Variants in HCN4 observed in about 807,000 individuals in gnomAD.
HCN4 encodes the protein potassium/sodium hyperpolarization-activated cyclic nucleotide-gated channel 4.
HCN4 carries 29 observed loss-of-function variants against 76.9 expected under a neutral mutation model. The observed-to-expected ratio is 0.38, with a 90% CI of 0.28 to 0.51. HCN4 has a LOEUF of 0.51. Ranked by LOEUF, HCN4 falls within the 20% of genes least tolerant of loss-of-function variation. HCN4 has a pLI of 0.90. For synonymous variants in HCN4, 772 were observed against 762.5 expected, an observed-to-expected ratio of 1.01 and a Z score of -0.21; for missense variants, 1,416 against 1,715.2, an observed-to-expected ratio of 0.83 and a Z score of 3.08.
chr15:73,347,512 C>CT (rs1286951095), intron 1 of HCN4, among the ~76,000 whole-genome samples: 1 of 152,168 alleles, frequency 6.6e-6, no homozygotes, highest in Non-Finnish European at 1.5e-5. Context: ...GAGGAAGTAG[C>CT]ACACCTCTCA....
chr15:73,338,581 C>T (rs1377512113), intron 2 of HCN4, among the ~76,000 whole-genome samples: 1 of 152,194 alleles, frequency 6.6e-6, no homozygotes, highest in East Asian at 1.9e-4. Flanking sequence ...ATGTTGGTTC[C>T]TTTCCTTCCC....
At position 73,367,973 on chromosome 15, in the gene HCN4, G is replaced by A; in HGVS notation, c.298C>T (p.Leu100=). ...CCGCCCCGGCTGCCCAGCGAGGCCA[G>A]GCTCCCGCGGAAGCGCCTGCAGTCG... The part of the protein sequence containing the change: ...NGDCRRFRGS[L]ASLGSRGGGS... The change falls in exon 1 of 8, where the codon CTG becomes TTG. Residue 100 remains leucine, a synonymous_variant. Coordinates refer to ENST00000261917, the MANE Select transcript of HCN4 (RefSeq NM_005477.3). The surrounding 1 kb of genome is among the most constrained non-coding windows in gnomAD (Gnocchi z 7.5). The A allele has an allele frequency of 7.4e-7, 1 of 1,349,332 alleles. No individual in the cohort carries two copies. Among genetic ancestry groups the A allele is most frequent in the Non-Finnish European group, 9.5e-7 (1 of 1,057,104 alleles). 83.6% of individuals were successfully genotyped at this position (1,349,332 alleles called of 1,614,324 possible).
chr15:73,368,625 T>G lies in HCN4; in HGVS notation c.-355A>C. ...CAATGGGCGCCGGCCGGAGAGGCTC[T>G]GCGGCCGCGGCGCTCAGGGAACCGC... is the stretch of plus-strand genomic sequence containing the variant. On this transcript the variant is annotated 5_prime_UTR_variant, in exon 1 of 8. Transcript: ENST00000261917. This position sits in a 1 kb window ranked among gnomAD's most constrained non-coding sequence, Gnocchi z 6.9. The G allele has an allele frequency of 6.2e-6, 1 of 162,520 alleles. No homozygotes were observed. Among genetic ancestry groups the G allele is most frequent in the Admixed American group, 6.4e-5 (1 of 15,522 alleles). 10.1% of individuals were successfully genotyped at this position (162,520 alleles called of 1,614,324 possible). A position where few individuals can be genotyped will look rare whatever the true frequency, so the allele number is the denominator to read the frequency against.
chr15:73,322,274 A>T lies in HCN4; in HGVS notation c.*207T>A. 1 of 359,128 alleles carries T rather than the reference A, an allele frequency of 2.8e-6. No individual in the cohort carries two copies. The highest frequency in any genetic ancestry group is 5.4e-6 in the Non-Finnish European group (1 of 185,392). The allele number at this position is 359,128 out of a possible 1,614,324, so 22.2% of individuals were successfully genotyped here. On this transcript the variant is annotated 3_prime_UTR_variant, in exon 8 of 8. Coordinates refer to ENST00000261917, the MANE Select transcript of HCN4 (RefSeq NM_005477.3). Reference sequence around the variant, plus strand: ...CTCCCCCTCCCTCCCTCTAGTGCTGAGTATTAAAATAGTCTATAAAAGCAA... The same window carrying T: ...CTCCCCCTCCCTCCCTCTAGTGCTGTGTATTAAAATAGTCTATAAAAGCAA...
rs1275052772 is a variant in HCN4 at position 73,323,250 on chromosome 15, GC to G, written c.2842del (p.Ala948ProfsTer37). On this transcript the variant is annotated frameshift_variant, in exon 8 of 8. Transcript: ENST00000261917. LOFTEE classifies it high-confidence loss of function. ...AAQPSPAPPG[A>X]RGGLGLPEHF... ...CTCCGGGAGTCCCAGGCCTCCCCGG[GC>G]CCCGGGTGGCGCGGGAGATGGCTGG... The G allele has an allele frequency of 3.9e-6, 6 of 1,524,156 alleles. No individual in the cohort carries two copies. Among genetic ancestry groups the G allele is most frequent in the South Asian group, 1.3e-5 (1 of 77,746 alleles). 94.4% of individuals were successfully genotyped at this position (1,524,156 alleles called of 1,614,324 possible).
intron 2 of HCN4, among the ~76,000 whole-genome samples, chr15:73,337,977 G>C (rs2042976792): frequency 6.6e-6 from 1 of 152,206 alleles, no homozygotes; most frequent in South Asian, 2.1e-4. Flanking sequence ...GTGTGTTTCA[G>C]GTGGTTTTTA....
chr15:73,333,020 T>A (rs1595824346), intron 2 of HCN4, among the ~76,000 whole-genome samples: 1 of 152,352 alleles, frequency 6.6e-6, no homozygotes, highest in African/African-American at 2.4e-5. Context: ...TAAGCTGTTA[T>A]TAATAATTAA....
chr15:73,355,759 G>GCA (rs151156342), intron 1 of HCN4, among the ~76,000 whole-genome samples: 6,071 of 149,950 alleles, frequency 0.04, 132 homozygotes, highest in Middle Eastern at 0.055. Flanking sequence ...ATGTACATGC[G>GCA]CACACACACA....
Position 73,367,955 on chromosome 15 carries a change from G to T in HCN4, c.316C>A (p.Arg106=). The change falls in exon 1 of 8, where the codon CGG becomes AGG. Residue 106 remains arginine (R), a synonymous_variant. Transcript: ENST00000261917. This position sits in a 1 kb window ranked among gnomAD's most constrained non-coding sequence, Gnocchi z 7.5. ...CCCGTGCCGCCGCTGCCGCCGCCCCGGCTGCCCAGCGAGGCCAGGCTCCCG... is the reference window on the plus strand; with the variant it reads ...CCCGTGCCGCCGCTGCCGCCGCCCCTGCTGCCCAGCGAGGCCAGGCTCCCG... ...FRGSLASLGS[R]GGGSGGTGSG... The T allele has an allele frequency of 7.4e-7, 1 of 1,352,458 alleles. No homozygotes were observed. 83.8% of individuals were successfully genotyped at this position (1,352,458 alleles called of 1,614,324 possible).
chr15:73,363,921 C>A (rs35934034), intron 1 of HCN4, among the ~76,000 whole-genome samples: 3,368 of 152,218 alleles, frequency 0.022, 46 homozygotes, highest in Non-Finnish European at 0.039. Flanking sequence ...GGCTCCACAG[C>A]AGTCAGGGTT....
chr15:73,334,921 C>T (rs186438117), intron 2 of HCN4, among the ~76,000 whole-genome samples: 18 of 152,162 alleles, frequency 1.2e-4, no homozygotes, highest in South Asian at 8.3e-4. Flanking sequence ...ATGAGGCCTT[C>T]GGAAGGTCAT....
At chr15:73,333,057 G>A (rs1369520176) in intron 2 of HCN4, among the ~76,000 whole-genome samples, 2 of 152,174 alleles carry the variant, frequency 1.3e-5, no homozygotes, top group African/African-American at 4.8e-5. Flanking sequence ...ATACGTATTT[G>A]GGGTAATGTT....
chr15:73,325,079 A>G lies in HCN4; in HGVS notation c.1854T>C (p.Pro618=), dbSNP rs900143890. The G allele has an allele frequency of 1.2e-5, 20 of 1,614,108 alleles. No homozygotes were observed. The highest frequency in any genetic ancestry group is 2.2e-5 in the South Asian group (2 of 91,088). The change falls in exon 6 of 8, where the codon CCT becomes CCC. Residue 618 remains proline, a synonymous_variant. Transcript: ENST00000261917. This position sits in a 1 kb window ranked among gnomAD's most constrained non-coding sequence, Gnocchi z 7.4. ...TGCCTTCCCGGATGATGTAGTCCCC[A>G]GGCTGGAAGACCTCGAAACGCAGCT... ...LTKLRFEVFQ[P]GDYIIREGTI... is the part of the protein sequence containing the mutation.
intron 2 of HCN4, among the ~76,000 whole-genome samples, chr15:73,340,695 G>A (rs534034086): frequency 2.6e-5 from 4 of 152,138 alleles, no homozygotes; most frequent in Non-Finnish European, 4.4e-5. Flanking sequence ...CCCTGCCACT[G>A]CCCTCCCACT....
At chr15:73,331,412 C>T (rs1025801052) in intron 3 of HCN4, among the ~76,000 whole-genome samples, 2 of 152,134 alleles carry the variant, frequency 1.3e-5, no homozygotes, top group African/African-American at 2.4e-5. Context: ...TGGGAGTCTG[C>T]GTGGGCTGCA....
intron 2 of HCN4, among the ~76,000 whole-genome samples, chr15:73,332,523 C>T (rs1011109753): frequency 3.9e-5 from 6 of 152,174 alleles, no homozygotes; most frequent in African/African-American, 1.2e-4. Flanking sequence ...GGCATCTATA[C>T]AGATGGGGGG....
rs141386534 is a variant in HCN4, at chr15:73,356,953, GCAAT to G, written c.785+10529_785+10532del. Among the ~76,000 whole-genome samples the G allele has an allele frequency of 6.2e-3, 946 of 152,320 alleles. 6 individuals carry two copies. The highest frequency in any genetic ancestry group is 0.022 in the African/African-American group (894 of 41,580). On this transcript the variant is annotated intron_variant, in intron 1 of 7. Coordinates refer to ENST00000261917, the MANE Select transcript of HCN4 (RefSeq NM_005477.3). ...ACCGTAGGACTAAGGCAAATGCAGA[GCAAT>G]CAGAGAACTGCAGGCTGTTAGTGCA...
At chr15:73,363,965 C>T (rs547719283) in intron 1 of HCN4, among the ~76,000 whole-genome samples, 155 of 152,214 alleles carry the variant, frequency 1.0e-3, no homozygotes, top group Non-Finnish European at 1.7e-3. Context: ...ATGGCAGTGA[C>T]GGGGTGCCAG....
rs748478312 is a variant in HCN4 at position 73,323,459 on chromosome 15, G to C, written c.2634C>G (p.Ser878=). 25 of 1,608,494 alleles carry C rather than the reference G, an allele frequency of 1.6e-5. No individual in the cohort carries two copies. In the Admixed American group the frequency reaches 2.5e-4, roughly 16 times the overall value. ...PAGLSPLLPS[S]SSSPPPGACG... ...AGGCCCCGGGGGGTGGGGAGGAGCT[G>C]GATGAGGGCAGGAGTGGGCTCAGTC... The change falls in exon 8 of 8, where the codon TCC becomes TCG. Residue 878 remains serine (S), a synonymous_variant. Coordinates refer to ENST00000261917, the MANE Select transcript of HCN4 (RefSeq NM_005477.3).
Sources: gnomAD v4.1 joint callset for allele counts (sites outside exome capture counted in the v4.1 genomes callset) on GRCh38, gnomAD v4.1.1 for gene constraint, Gnocchi (gnomAD v3.1) non-coding constraint, MANE v1.5 for transcripts, NCBI Gene and HGNC (gene_info 2026-07-23, HGNC 2026-07-21) for gene names.